Variants in MAST4 observed in about 807,000 individuals in gnomAD.
MAST4 encodes the protein microtubule-associated serine/threonine-protein kinase 4.
In MAST4, 89 loss-of-function variants were observed where a neutral mutation model predicts 162.7. The ratio of observed to expected loss-of-function variants is 0.55; its 90% CI spans 0.46 to 0.65. MAST4 has a LOEUF of 0.65. Among genes scored for constraint, MAST4 ranks in the 30% least tolerant of loss-of-function variants. MAST4 has a pLI of 0.00. For missense variants in MAST4, 3,153 were observed against 3,374.0 expected (o/e 0.93, Z 1.62); for synonymous variants, 1,479 against 1,361.1 (o/e 1.09, Z -1.91).
intron 3 of MAST4, among the ~76,000 whole-genome samples, chr5:66,831,638 C>G (rs1278872170): frequency 2.0e-5 from 3 of 152,184 alleles, no homozygotes; most frequent in Admixed American, 2.0e-4. Context: ...AATGGCAGCA[C>G]AACTGAGTTG....
chr5:66,764,222 C>A (rs1362132719), intron 2 of MAST4, among the ~76,000 whole-genome samples: 3 of 152,116 alleles, frequency 2.0e-5, no homozygotes, highest in African/African-American at 7.2e-5. Context: ...CAGTTTGGGT[C>A]CAGATTTGTT....
At chr5:66,643,081 G>A (rs1346632472) in intron 1 of MAST4, among the ~76,000 whole-genome samples, 2 of 152,070 alleles carry the variant, frequency 1.3e-5, no homozygotes, top group African/African-American at 2.4e-5. Flanking sequence ...TGGCTGACAC[G>A]CTCAGATCTG....
At chr5:66,749,288 T>G (rs1398282699) in intron 1 of MAST4, among the ~76,000 whole-genome samples, 2 of 152,168 alleles carry the variant, frequency 1.3e-5, no homozygotes, top group African/African-American at 2.4e-5. Flanking sequence ...ACATTGGGAT[T>G]CTGTTCCTGG....
intron 14 of MAST4, among the ~76,000 whole-genome samples, chr5:67,126,703 C>T (rs189346020): frequency 1.6e-3 from 236 of 152,234 alleles, no homozygotes; most frequent in African/African-American, 5.0e-3. Flanking sequence ...GTTCTTTTGG[C>T]TTAGGATTGT....
intron 9 of MAST4, among the ~76,000 whole-genome samples, 162 bp from the exon 10 acceptor site, chr5:67,104,204 C>A (rs1170377512): frequency 6.6e-6 from 1 of 152,090 alleles, no homozygotes; most frequent in Non-Finnish European, 1.5e-5. Flanking sequence ...ATGTATGTAC[C>A]ATTATTTTAT....
chr5:66,959,086 G>T, intron 4 of MAST4: 3 of 635,780 alleles, frequency 4.7e-6, no homozygotes, highest in East Asian at 2.7e-5. Context: ...TCTTGATTAC[G>T]GCTAGAGGTG....
intron 3 of MAST4, among the ~76,000 whole-genome samples, chr5:66,806,094 G>A (rs985813169): frequency 4.6e-5 from 7 of 152,186 alleles, no homozygotes; most frequent in African/African-American, 1.7e-4. Context: ...CTGGGCATGA[G>A]CTTTTTCCCT....
chr5:66,846,507 T>C lies in MAST4; in HGVS notation c.643-53444T>C, dbSNP rs1758866836. ...GTCCATTATACTAAGAGGCAGGCTT[T>C]CCTGGTCTATGGAGGTACAGCTAGT... On this transcript the variant is annotated intron_variant, in intron 3 of 28. Transcript: ENST00000403625. Among the ~76,000 whole-genome samples, 5 of 152,326 alleles carry C rather than the reference T, an allele frequency of 3.3e-5. No homozygotes were observed. In the South Asian group the frequency reaches 1.0e-3, roughly 32 times the overall value.
chr5:66,927,946 G>A (rs1413434776), intron 4 of MAST4, among the ~76,000 whole-genome samples: 4 of 152,122 alleles, frequency 2.6e-5, no homozygotes, highest in African/African-American at 9.7e-5. Context: ...GCTTTCAGAA[G>A]CATCATCTCC....
chr5:67,013,396 A>G (rs2150359906), intron 4 of MAST4, among the ~76,000 whole-genome samples: 1 of 152,304 alleles, frequency 6.6e-6, no homozygotes, highest in Admixed American at 6.5e-5. Context: ...GAGGTCTCTT[A>G]GGGTCATAGA....
At chr5:67,019,733 A>C (rs1210105260) in intron 4 of MAST4, among the ~76,000 whole-genome samples, 1 of 152,206 alleles carries the variant, frequency 6.6e-6, no homozygotes, top group Non-Finnish European at 1.5e-5. Context: ...AAAGATGTGA[A>C]GAACCCTGTC....
chr5:67,164,792 G>C lies in MAST4; in HGVS notation c.5613G>C (p.Leu1871=). The change falls in exon 29 of 29, where the codon CTG becomes CTC. Residue 1871 remains leucine, a synonymous_variant. Transcript: ENST00000403625. The surrounding 1 kb of genome is among the most constrained non-coding windows in gnomAD (Gnocchi z 5.3). ...PSSLKMNKSY[L]LEPWFLPPSR... Reference sequence around the variant, plus strand: ...GCTTAAAGATGAATAAATCCTACCTGCTGGAGCCTTGGTTCCTGCCCCCCA... The same window carrying C: ...GCTTAAAGATGAATAAATCCTACCTCCTGGAGCCTTGGTTCCTGCCCCCCA... 3.7e-6 allele frequency: 6 copies of C among 1,613,994 alleles called. No homozygotes were observed. The highest frequency in any genetic ancestry group is 4.2e-6 in the Non-Finnish European group (5 of 1,179,902).
chr5:67,029,468 G>A (rs1755057488), intron 4 of MAST4, among the ~76,000 whole-genome samples: 2 of 152,108 alleles, frequency 1.3e-5, no homozygotes, highest in Admixed American at 1.3e-4. Flanking sequence ...CTACTGAAAT[G>A]TCATCAAACT....
intron 1 of MAST4, among the ~76,000 whole-genome samples, chr5:66,639,729 A>G (rs1217914539): frequency 1.3e-5 from 2 of 152,186 alleles, no homozygotes; most frequent in African/African-American, 4.8e-5. Context: ...TGTTTATGAA[A>G]GGAGATAAAA....
At chr5:66,867,008 A>G (rs143147379) in intron 3 of MAST4, among the ~76,000 whole-genome samples, 5 of 152,260 alleles carry the variant, frequency 3.3e-5, no homozygotes, top group African/African-American at 7.2e-5. Context: ...GGATCCCCCA[A>G]CTTCAGCCTT....
intron 2 of MAST4, among the ~76,000 whole-genome samples, chr5:66,784,218 T>G (rs561102295): frequency 6.6e-6 from 1 of 152,012 alleles, no homozygotes; most frequent in Non-Finnish European, 1.5e-5. Context: ...TCTTGAGGAG[T>G]TGAGGGAATG....
chr5:67,102,595 A>G lies in MAST4; in HGVS notation c.1130A>G (p.Lys377Arg). ...ATAATTATGATGAACCATGTCTACA[A>G]AGAAAGGTTCCCAAAGGTAATGAAT... ...HEIIMMNHVY[K>R]ERFPKATAQM... The change falls in exon 9 of 29, where the codon AAA becomes AGA. Residue 377 changes from lysine (K) to arginine (R), a missense_variant. Physicochemically the swap from Lys to Arg is conservative, Grantham distance 26. This residue lies in a region of MAST4 where 360 missense variants were observed against 450.0 expected (regional missense o/e 0.80). Coordinates refer to ENST00000403625, the MANE Select transcript of MAST4 (RefSeq NM_001164664.2). 2.5e-6 allele frequency: 4 copies of G among 1,613,894 alleles called. No homozygotes were observed. Among genetic ancestry groups the G allele is most frequent in the Non-Finnish European group, 3.4e-6 (4 of 1,179,760 alleles).
At chr5:67,051,538 A>G (rs1279501887) in intron 4 of MAST4, among the ~76,000 whole-genome samples, 5 of 152,186 alleles carry the variant, frequency 3.3e-5, no homozygotes, top group Non-Finnish European at 4.4e-5. Context: ...TAATTCATTT[A>G]TTGGGAATCA....
chr5:66,897,086 A>G (rs781329372), intron 3 of MAST4, among the ~76,000 whole-genome samples: 1 of 152,222 alleles, frequency 6.6e-6, no homozygotes. Context: ...AGAAATTTTT[A>G]ATCTTAAGAA....
Sources: gnomAD v4.1 joint callset for allele counts (sites outside exome capture counted in the v4.1 genomes callset) on GRCh38, gnomAD v4.1.1 for gene constraint, gnomAD v4.1.1 regional missense constraint, Gnocchi (gnomAD v3.1) non-coding constraint, MANE v1.5 for transcripts, NCBI Gene and HGNC (gene_info 2026-07-23, HGNC 2026-07-21) for gene names.